Variants in BBS9 observed in about 807,000 individuals in gnomAD.
BBS9 encodes the protein protein PTHB1.
BBS9 carries 89 observed loss-of-function variants against 117.7 expected under a neutral mutation model. The observed-to-expected ratio is 0.76, with a 90% CI of 0.64 to 0.90. The LOEUF (loss-of-function observed/expected upper bound fraction) is 0.90, where lower values mean the gene tolerates loss of function less well. Ranked by LOEUF, BBS9 falls within the 40% of genes least tolerant of loss-of-function variation. BBS9 has a pLI of 0.00. For missense variants in BBS9, 982 were observed against 1,042.2 expected (o/e 0.94, Z 0.80); for synonymous variants, 379 against 370.9 (o/e 1.02, Z -0.25).
intron 19 of BBS9, among the ~76,000 whole-genome samples, chr7:33,429,334 C>G (rs1834097265): frequency 6.7e-6 from 1 of 150,126 alleles, no homozygotes; most frequent in Admixed American, 6.6e-5. Context: ...TACTCTAATT[C>G]ATTGTACTCT....
At chr7:33,400,232 TA>T (rs34032951) in intron 19 of BBS9, among the ~76,000 whole-genome samples, 89,046 of 151,060 alleles carry the variant, frequency 0.59, 26,416 homozygotes, top group East Asian at 0.68. Flanking sequence ...GTTTGATCTT[TA>T]AAAAAAAAAT....
At chr7:33,389,647 C>T (rs1826676397) in intron 19 of BBS9, among the ~76,000 whole-genome samples, 2 of 141,360 alleles carry the variant, frequency 1.4e-5, no homozygotes, top group African/African-American at 2.7e-5. Context: ...CGAGATCGCG[C>T]CATTGCACTC....
chr7:33,626,352 A>G (rs6957060), intron 21 of BBS9, among the ~76,000 whole-genome samples: 29,167 of 152,122 alleles, frequency 0.19, 3,471 homozygotes, highest in East Asian at 0.36. Context: ...GTGGTTCCTT[A>G]TAGCAATGCA....
intron 21 of BBS9, among the ~76,000 whole-genome samples, chr7:33,587,964 A>T (rs975114388): frequency 3.3e-5 from 5 of 152,082 alleles, no homozygotes; most frequent in Non-Finnish European, 5.9e-5. Context: ...AGTGGATATA[A>T]CATGGATCCT....
At chr7:33,596,354 T>C (rs1862788514) in intron 21 of BBS9, among the ~76,000 whole-genome samples, 1 of 122,390 alleles carries the variant, frequency 8.2e-6, no homozygotes, top group Admixed American at 9.6e-5. Flanking sequence ...ATAATTGATA[T>C]ATAATTATCT....
chr7:33,408,080 TG>T (rs1830386401), intron 19 of BBS9, among the ~76,000 whole-genome samples: 1 of 152,236 alleles, frequency 6.6e-6, no homozygotes, highest in Non-Finnish European at 1.5e-5. Flanking sequence ...GGAGCTGTGG[TG>T]GGCTCCACCC....
At position 33,138,585 on chromosome 7, in the gene BBS9, C is replaced by T. The variant is rs1056220563; in HGVS notation, c.-11-7657C>T. 2.0e-5 allele frequency among the ~76,000 whole-genome samples: 3 copies of T among 150,862 alleles called. 1 individual carries two copies. Among genetic ancestry groups the T allele is most frequent in the Admixed American group, 1.3e-4 (2 of 15,114 alleles). ...TGAAAAGGGGGATTTCAGGAGCTAA[C>T]GAAGTGGTGGGTGAATAAGGAAAAA... On this transcript the variant is annotated intron_variant, in intron 1 of 22. Transcript: ENST00000242067.
At chr7:33,376,418 C>T (rs1000273732) in intron 17 of BBS9, among the ~76,000 whole-genome samples, 2 of 152,094 alleles carry the variant, frequency 1.3e-5, no homozygotes, top group Non-Finnish European at 2.9e-5. Context: ...GTATCCCTAC[C>T]ACATTTCCAT....
intron 21 of BBS9, among the ~76,000 whole-genome samples, chr7:33,591,076 A>G (rs1861838972): frequency 6.6e-6 from 1 of 152,020 alleles, no homozygotes; most frequent in South Asian, 2.1e-4. Context: ...CCTTAGATTT[A>G]CTAGCCTATA....
intron 21 of BBS9, among the ~76,000 whole-genome samples, chr7:33,584,986 A>G (rs943635772): frequency 6.6e-6 from 1 of 152,062 alleles, no homozygotes; most frequent in Non-Finnish European, 1.5e-5. Context: ...AACTTTCAGA[A>G]GATTGATTTT....
intron 19 of BBS9, among the ~76,000 whole-genome samples, chr7:33,394,392 GC>G (rs1195259293): frequency 1.3e-5 from 2 of 152,064 alleles, no homozygotes; most frequent in African/African-American, 4.8e-5. Context: ...ACACACTGGG[GC>G]CTACTGGAGG....
chr7:33,483,726 A>G (rs1393322784), intron 19 of BBS9, among the ~76,000 whole-genome samples: 3 of 151,626 alleles, frequency 2.0e-5, no homozygotes, highest in African/African-American at 4.9e-5. Flanking sequence ...GAATTCCTGG[A>G]CTCAAGCAAT....
At chr7:33,335,923 G>T (rs935549691) in intron 9 of BBS9, among the ~76,000 whole-genome samples, 23 of 152,204 alleles carry the variant, frequency 1.5e-4, no homozygotes, top group Admixed American at 4.6e-4. Context: ...AGGAAAGACC[G>T]GGGGCACTTT....
chr7:33,185,570 G>A (rs956390855), intron 5 of BBS9, among the ~76,000 whole-genome samples: 2 of 152,084 alleles, frequency 1.3e-5, no homozygotes, highest in African/African-American at 4.8e-5. Flanking sequence ...TCATAAGAAA[G>A]CCCACTTTCT....
intron 5 of BBS9, among the ~76,000 whole-genome samples, chr7:33,231,502 A>G (rs1792431816): frequency 6.9e-6 from 1 of 144,426 alleles, no homozygotes; most frequent in Non-Finnish European, 1.5e-5. Flanking sequence ...TAAGTCAGAG[A>G]GTGTGGTGCC....
At chr7:33,221,740 A>G (rs994794387) in intron 5 of BBS9, among the ~76,000 whole-genome samples, 26 of 152,308 alleles carry the variant, frequency 1.7e-4, no homozygotes, top group South Asian at 2.1e-4. Flanking sequence ...TCACAATCCT[A>G]CAAGCCCTGC....
chr7:33,248,646 G>C (rs747167335), intron 5 of BBS9, among the ~76,000 whole-genome samples: 2 of 152,112 alleles, frequency 1.3e-5, no homozygotes, highest in Non-Finnish European at 2.9e-5. Flanking sequence ...TTATGTCTTT[G>C]TTCATAGCAA....
chr7:33,168,959 G>A lies in BBS9; in HGVS notation c.329-8519G>A, dbSNP rs1352205855. Among the ~76,000 whole-genome samples the A allele has an allele frequency of 4.3e-5, 6 of 140,402 alleles. No homozygotes were observed. In the East Asian group the frequency reaches 6.7e-4, roughly 16 times the overall value. 92.1% of individuals were successfully genotyped at this position (140,402 alleles called of 152,430 possible). On this transcript the variant is annotated intron_variant, in intron 4 of 22. Transcript: ENST00000242067. The stretch of plus-strand genomic sequence containing the variant: ...ATATCTCCCAATGCTATCCCTCCCC[G>A]CTCCCCCCACCCCACCACAGTCCCC...
At chr7:33,260,781 C>T (rs1283482848) in intron 6 of BBS9, among the ~76,000 whole-genome samples, 3 of 152,246 alleles carry the variant, frequency 2.0e-5, no homozygotes, top group Non-Finnish European at 2.9e-5. Flanking sequence ...GAGGAGGCCT[C>T]GAGGTGGGAC....
Sources: allele counts gnomAD v4.1 joint callset (sites outside exome capture counted in the v4.1 genomes callset), GRCh38; gene constraint gnomAD v4.1.1; transcripts MANE v1.5; gene names NCBI Gene and HGNC (gene_info 2026-07-23, HGNC 2026-07-21).